The following HCN2 variants were observed in gnomAD, a reference collection of about 807,000 sequenced individuals.
HCN2 encodes potassium/sodium hyperpolarization-activated cyclic nucleotide-gated channel 2.
A neutral mutation model predicts 52.3 loss-of-function variants in HCN2; 20 were observed. That is an observed-to-expected ratio of 0.38 (90% CI 0.27 to 0.56). The LOEUF is 0.56. Ranked by LOEUF, HCN2 falls within the 20% of genes least tolerant of loss-of-function variation. The pLI, the probability that HCN2 is intolerant of heterozygous loss-of-function variation, is 0.71. For synonymous variants in HCN2, 694 were observed against 537.0 expected, an observed-to-expected ratio of 1.29 and a Z score of -4.04; for missense variants, 981 against 1,207.7, an observed-to-expected ratio of 0.81 and a Z score of 2.78.
chr19:591,316 AC>A lies in HCN2; in HGVS notation c.632+741del, dbSNP rs1156799884. ...GGCTGTGTGTGAACAGGGGCCCGTGACCGCGGCGGGGTTCCCGGGGCGCGAG... is the reference window on the plus strand; with the variant it reads ...GGCTGTGTGTGAACAGGGGCCCGTGACGCGGCGGGGTTCCCGGGGCGCGAG... On this transcript the variant is annotated intron_variant, in intron 1 of 7. Coordinates refer to ENST00000251287, the MANE Select transcript of HCN2 (RefSeq NM_001194.4). This position sits in a 1 kb window ranked among gnomAD's most constrained non-coding sequence, Gnocchi z 4.1. 2.0e-5 allele frequency: 3 copies of A among 151,644 alleles called. No individual in the cohort carries two copies. Among genetic ancestry groups the A allele is most frequent in the African/African-American group, 7.3e-5 (3 of 41,172 alleles). The allele number at this position is 151,644 out of a possible 1,614,324, so 9.4% of individuals were successfully genotyped here. A position where few individuals can be genotyped will look rare whatever the true frequency, so the allele number is the denominator to read the frequency against.
intron 7 of HCN2, among the ~76,000 whole-genome samples, chr19:614,767 C>T (rs1983824347): frequency 6.6e-6 from 1 of 151,932 alleles, no homozygotes; most frequent in African/African-American, 2.4e-5. Context: ...TTGTATCCGC[C>T]AAGGCGGGCC....
At chr19:602,367 C>T (rs959396531) in intron 1 of HCN2, among the ~76,000 whole-genome samples, 5 of 116,704 alleles carry the variant, frequency 4.3e-5, no homozygotes, top group Non-Finnish European at 5.3e-5. Flanking sequence ...TCCTCTCCTG[C>T]GTGGACGCCC....
In HCN2 at chr19:590,353, G is replaced by A. The variant is rs1241409284; in HGVS notation, c.408G>A (p.Pro136=). 4 of 1,109,036 alleles carry A rather than the reference G, an allele frequency of 3.6e-6. No homozygotes were observed. The highest frequency in any genetic ancestry group is 5.1e-5 in the Admixed American group (1 of 19,538). The allele number at this position is 1,109,036 out of a possible 1,614,324, so 68.7% of individuals were successfully genotyped here. A position where few individuals can be genotyped will look rare whatever the true frequency, so the allele number is the denominator to read the frequency against. ...SCRGAASGPA[P]GPGPAEEAGS... is the part of the protein sequence containing the mutation. ...GCGGGGCGGCCTCGGGGCCCGCGCC[G>A]GGGCCGGGGCCGGCGGAGGAGGCGG... The change falls in exon 1 of 8, where the codon CCG becomes CCA. Residue 136 remains proline (P), a synonymous_variant. Transcript: ENST00000251287. The surrounding 1 kb of genome is among the most constrained non-coding windows in gnomAD (Gnocchi z 7.2).
chr19:613,820 T>G, intron 6 of HCN2, 32 bp from the exon 7 acceptor site: 1 of 1,481,772 alleles, frequency 6.7e-7, no homozygotes, highest in Non-Finnish European at 8.9e-7. Context: ...GCCCGCCTCG[T>G]CCAGCAACCC....
intron 1 of HCN2, among the ~76,000 whole-genome samples, chr19:598,569 G>T (rs1461100754): frequency 1.3e-5 from 2 of 151,834 alleles, no homozygotes; most frequent in African/African-American, 4.8e-5. Flanking sequence ...GCCTCCCAAG[G>T]TGCTGGCATT....
At chr19:610,937 G>T (rs1983608212) in intron 5 of HCN2, among the ~76,000 whole-genome samples, 1 of 152,200 alleles carries the variant, frequency 6.6e-6, no homozygotes, top group South Asian at 2.1e-4. Context: ...CCCTGGGGAG[G>T]ATCCTTCCTG....
At chr19:603,096 C>T (rs1356570354) in intron 1 of HCN2, among the ~76,000 whole-genome samples, 7 of 150,702 alleles carry the variant, frequency 4.6e-5, no homozygotes, top group Non-Finnish European at 8.9e-5. Flanking sequence ...GGGGCTGGTC[C>T]CATAGGTGCC....
intron 1 of HCN2, among the ~76,000 whole-genome samples, chr19:603,278 C>T (rs1349974164): frequency 6.9e-5 from 9 of 129,668 alleles, no homozygotes; most frequent in African/African-American, 1.6e-4. Context: ...GGGAAGGCAC[C>T]AGCCTGAGGT....
rs1185530636 is a variant in HCN2 at position 595,670 on chromosome 19, C to T, written c.632+5093C>T. Among the ~76,000 whole-genome samples the T allele has an allele frequency of 2.0e-5, 3 of 152,196 alleles. No homozygotes were observed. In the East Asian group the frequency reaches 5.8e-4, roughly 29 times the overall value. On this transcript the variant is annotated intron_variant, in intron 1 of 7. Coordinates refer to ENST00000251287, the MANE Select transcript of HCN2 (RefSeq NM_001194.4). ...TGGGCCTGTGTGGTCATCGTGTGCCCCGGCGCCCGGCGAGAGTTCGGTGAA... is the reference window on the plus strand; with the variant it reads ...TGGGCCTGTGTGGTCATCGTGTGCCTCGGCGCCCGGCGAGAGTTCGGTGAA...
At chr19:606,163 G>A (rs1047215873) in intron 3 of HCN2, among the ~76,000 whole-genome samples, 8 of 152,114 alleles carry the variant, frequency 5.3e-5, no homozygotes, top group Middle Eastern at 6.8e-3. Flanking sequence ...GCAGTGGCAC[G>A]ATCTCGGCTT....
chr19:590,417 A>G lies in HCN2; in HGVS notation c.472A>G (p.Ser158Gly). 7.1e-7 allele frequency: 1 copy of G among 1,409,484 alleles called. No homozygotes were observed. Among genetic ancestry groups the G allele is most frequent in the Non-Finnish European group, 9.4e-7 (1 of 1,068,974 alleles). The allele number at this position is 1,409,484 out of a possible 1,614,324, so 87.3% of individuals were successfully genotyped here. Residue 158 changes from serine to glycine, a missense_variant, in exon 1 of 8, where the codon AGC becomes GGC. Ser to Gly is a moderately conservative substitution (Grantham distance 56). Transcript: ENST00000251287. This position sits in a 1 kb window ranked among gnomAD's most constrained non-coding sequence, Gnocchi z 7.2. ...EAGPAGEPRG[S>G]QASFMQRQFG... ...GGGCCCGGCGGGGGAGCCGCGCGGC[A>G]GCCAGGCCAGCTTCATGCAGCGCCA... is the stretch of plus-strand genomic sequence containing the variant.
chr19:604,927 G>A (rs1466377947), intron 2 of HCN2, 134 bp from the exon 3 acceptor site: 32 of 934,178 alleles, frequency 3.4e-5, no homozygotes, highest in Admixed American at 7.5e-5. Flanking sequence ...AGGGTGGGGC[G>A]GGGGTCCTGT....
At chr19:606,336 G>A (rs1983427950) in intron 3 of HCN2, among the ~76,000 whole-genome samples, 2 of 151,626 alleles carry the variant, frequency 1.3e-5, no homozygotes, top group Non-Finnish European at 2.9e-5. Context: ...CCTGACCTCA[G>A]GTGATCCGCC....
At chr19:607,829 C>T (rs980175043) in intron 3 of HCN2, 135 bp from the exon 4 acceptor site, 1 of 646,352 alleles carries the variant, frequency 1.5e-6, no homozygotes, top group South Asian at 1.8e-5. Flanking sequence ...GTCTCCATTT[C>T]TCTTGGTTAC....
intron 1 of HCN2, among the ~76,000 whole-genome samples, chr19:599,662 C>G (rs971110278): frequency 7.3e-5 from 11 of 151,492 alleles, no homozygotes; most frequent in Non-Finnish European, 1.6e-4. Context: ...GTGGCGGGCG[C>G]CTATAGTCCC....
At chr19:595,779 C>G (rs1057069751) in intron 1 of HCN2, among the ~76,000 whole-genome samples, 1 of 152,212 alleles carries the variant, frequency 6.6e-6, no homozygotes, top group African/African-American at 2.4e-5. Flanking sequence ...GCACCTGCCA[C>G]GGATCTGGCC....
chr19:599,130 G>C (rs970124015), intron 1 of HCN2, among the ~76,000 whole-genome samples: 1 of 152,274 alleles, frequency 6.6e-6, no homozygotes, highest in Admixed American at 6.5e-5. Flanking sequence ...CCCTTCCAGC[G>C]TTTGGCTCTT....
intron 4 of HCN2, among the ~76,000 whole-genome samples, chr19:610,018 G>A (rs1041537093): frequency 3.3e-5 from 5 of 152,182 alleles, no homozygotes; most frequent in South Asian, 2.1e-4. Context: ...CTGTCTCCCC[G>A]CTGTGGGCGG....
chr19:598,784 A>AT (rs141220031), intron 1 of HCN2, among the ~76,000 whole-genome samples: 4 of 151,834 alleles, frequency 2.6e-5, no homozygotes, highest in Admixed American at 2.6e-4. Flanking sequence ...ACATTTTTGT[A>AT]TTTTTAGTAG....
Sources: allele counts gnomAD v4.1 joint callset (sites outside exome capture counted in the v4.1 genomes callset), GRCh38; gene constraint gnomAD v4.1.1; non-coding constraint Gnocchi (gnomAD v3.1); transcripts MANE v1.5; gene names NCBI Gene and HGNC (gene_info 2026-07-23, HGNC 2026-07-21).